Variants in NPFFR2 observed in about 807,000 individuals in gnomAD.
The protein encoded by NPFFR2 is neuropeptide FF receptor 2.
Under a neutral mutation model 13.1 loss-of-function variants are expected in NPFFR2, and 15 were observed. That is an observed-to-expected ratio of 1.15 (90% CI 0.77 to 1.76). NPFFR2 has a LOEUF of 1.76. Among genes scored for constraint, NPFFR2 ranks in the 40% most tolerant of loss-of-function variants. NPFFR2 has a pLI of 0.00. For missense variants in NPFFR2, 572 were observed against 503.5 expected (o/e 1.14, Z -1.30); for synonymous variants, 190 against 175.7 (o/e 1.08, Z -0.65).
Position 72,127,360 on chromosome 4 carries a change from C to CTT in NPFFR2, c.-7-1205_-7-1204dup, listed in dbSNP as rs1186710740. On this transcript the variant is annotated intron_variant, in intron 1 of 3. Transcript: ENST00000308744. Reference sequence around the variant, plus strand: ...ATACAGATTCTAAATAATTTCTTTTCTTTTTTTTTTTTTTTTTTTTTGAGA... The same window carrying CTT: ...ATACAGATTCTAAATAATTTCTTTTCTTTTTTTTTTTTTTTTTTTTTTTGAGA... 1.9e-3 allele frequency among the ~76,000 whole-genome samples: 126 copies of CTT among 66,912 alleles called. 8 individuals are homozygous for CTT. The highest frequency in any genetic ancestry group is 2.8e-3 in the Non-Finnish European group (96 of 34,604). 43.9% of individuals were successfully genotyped at this position (66,912 alleles called of 152,430 possible).
chr4:72,144,797 A>G (rs1450465680), intron 3 of NPFFR2, among the ~76,000 whole-genome samples: 2 of 152,190 alleles, frequency 1.3e-5, no homozygotes, highest in Non-Finnish European at 2.9e-5. Flanking sequence ...TTATCCTTGA[A>G]TCTTCTTTCT....
chr4:72,147,932 C>A lies in NPFFR2; in HGVS notation c.*120C>A. On this transcript the variant is annotated 3_prime_UTR_variant, in exon 4 of 4. Coordinates refer to ENST00000308744, the MANE Select transcript of NPFFR2 (RefSeq NM_004885.3). ...TTCTAAATAAAACATTTACTGAAAG[C>A]CCTCTCTGGCAAAAAAATTAAAAAT... is the stretch of plus-strand genomic sequence containing the variant. The A allele has an allele frequency of 1.4e-6, 1 of 724,404 alleles. No homozygotes were observed. The highest frequency in any genetic ancestry group is 2.1e-6 in the Non-Finnish European group (1 of 478,610). The allele number at this position is 724,404 out of a possible 1,614,324, so 44.9% of individuals were successfully genotyped here. A position where few individuals can be genotyped will look rare whatever the true frequency, so the allele number is the denominator to read the frequency against.
intron 1 of NPFFR2, among the ~76,000 whole-genome samples, chr4:72,044,250 A>G (rs1390181279): frequency 6.6e-6 from 1 of 152,208 alleles, no homozygotes; most frequent in Non-Finnish European, 1.5e-5. Context: ...GTATGTCCTT[A>G]TAGCAGCATG....
intron 1 of NPFFR2, among the ~76,000 whole-genome samples, chr4:72,032,903 C>T (rs921454479): frequency 2.0e-5 from 3 of 152,182 alleles, no homozygotes; most frequent in Non-Finnish European, 4.4e-5. Context: ...TACATTTGTT[C>T]ATCTCCCATT....
chr4:72,072,776 C>T (rs1347184490), intron 1 of NPFFR2, among the ~76,000 whole-genome samples: 2 of 152,052 alleles, frequency 1.3e-5, no homozygotes, highest in African/African-American at 2.4e-5. Flanking sequence ...ACATTATGAT[C>T]AAAGTATCAT....
intron 1 of NPFFR2, among the ~76,000 whole-genome samples, chr4:72,049,662 C>G (rs1179166084): frequency 6.6e-6 from 1 of 151,952 alleles, no homozygotes; most frequent in African/African-American, 2.4e-5. Flanking sequence ...GCAATGCAGT[C>G]TTAGGTATTA....
chr4:72,055,694 G>T (rs1401186932), intron 1 of NPFFR2, among the ~76,000 whole-genome samples: 1 of 151,968 alleles, frequency 6.6e-6, no homozygotes, highest in African/African-American at 2.4e-5. Context: ...AGCTAGCCAA[G>T]TTGTGAATGC....
chr4:72,071,392 A>AC (rs1210683738), intron 1 of NPFFR2, among the ~76,000 whole-genome samples: 12 of 151,978 alleles, frequency 7.9e-5, no homozygotes, highest in African/African-American at 1.5e-4. Flanking sequence ...AGCGTGTATG[A>AC]CCCCCCAAAT....
intron 1 of NPFFR2, among the ~76,000 whole-genome samples, chr4:72,074,288 A>G (rs531679494): frequency 1.2e-4 from 18 of 152,164 alleles, no homozygotes; most frequent in African/African-American, 4.1e-4. Flanking sequence ...CAATTATGTC[A>G]CGATGCCTAC....
chr4:72,084,226 T>G (rs1477266662), intron 1 of NPFFR2, among the ~76,000 whole-genome samples: 1 of 152,176 alleles, frequency 6.6e-6, no homozygotes, highest in Non-Finnish European at 1.5e-5. Context: ...AAAAATTCAT[T>G]TCCTTTACCA....
Position 72,147,230 on chromosome 4 carries a change from C to CAGT in NPFFR2, c.681_682insAGT (p.Ile227_Tyr228insSer). 1 of 1,614,196 alleles carries CAGT rather than the reference C, an allele frequency of 6.2e-7. No individual in the cohort carries two copies. On this transcript the variant is annotated inframe_insertion, in exon 4 of 4. Coordinates refer to ENST00000308744, the MANE Select transcript of NPFFR2 (RefSeq NM_004885.3). ...ACACCACTGTGCTGTTTGCCAACATCTACCTGGCTCCCCTCTCCCTCATTG... is the reference window on the plus strand; with the variant it reads ...ACACCACTGTGCTGTTTGCCAACATCAGTTACCTGGCTCCCCTCTCCCTCATTG...
chr4:72,134,274 A>C (rs1245339398), intron 2 of NPFFR2, among the ~76,000 whole-genome samples: 1 of 152,076 alleles, frequency 6.6e-6, no homozygotes, highest in African/African-American at 2.4e-5. Flanking sequence ...CAAAAATAAA[A>C]AATAAAAATT....
At position 72,087,382 on chromosome 4, in the gene NPFFR2, T is replaced by C. The variant is rs538138218; in HGVS notation, c.-7-41203T>C. ...ATAAATTTCCATGGCTCCTACTGTT[T>C]CCTTTGGAAAGGCAGATAATACAAT... On this transcript the variant is annotated intron_variant, in intron 1 of 3. Transcript: ENST00000308744. Among the ~76,000 whole-genome samples the C allele has an allele frequency of 7.2e-5, 11 of 152,222 alleles. 1 individual carries two copies. In the South Asian group the frequency reaches 2.1e-3, roughly 29 times the overall value.
intron 1 of NPFFR2, among the ~76,000 whole-genome samples, chr4:72,052,646 A>G (rs188770790): frequency 6.6e-6 from 1 of 152,144 alleles, no homozygotes; most frequent in African/African-American, 2.4e-5. Flanking sequence ...AAGGCCCTGC[A>G]AAACTGTCTC....
At chr4:72,042,037 G>A (rs1719235357) in intron 1 of NPFFR2, among the ~76,000 whole-genome samples, 2 of 152,074 alleles carry the variant, frequency 1.3e-5, no homozygotes, top group South Asian at 4.1e-4. Flanking sequence ...TTGCTTTTGA[G>A]GTTTATAAAT....
chr4:72,105,521 G>A (rs1721393685), intron 1 of NPFFR2, among the ~76,000 whole-genome samples: 1 of 151,920 alleles, frequency 6.6e-6, no homozygotes, highest in South Asian at 2.1e-4. Flanking sequence ...GAGTATTCTA[G>A]AGAGTACTAA....
chr4:72,129,234 G>C (rs1184244057), intron 2 of NPFFR2, among the ~76,000 whole-genome samples: 4 of 151,978 alleles, frequency 2.6e-5, no homozygotes, highest in African/African-American at 9.7e-5. Context: ...TGTAGGGGTG[G>C]GTTGCCCCTA....
chr4:72,039,656 C>CT (rs777304944), intron 1 of NPFFR2, among the ~76,000 whole-genome samples: 84 of 152,206 alleles, frequency 5.5e-4, no homozygotes, highest in Admixed American at 1.4e-3. Context: ...TCAACCATTC[C>CT]CTTCTTGATA....
intron 1 of NPFFR2, among the ~76,000 whole-genome samples, chr4:72,038,028 T>G (rs1719088759): frequency 6.6e-6 from 1 of 152,212 alleles, no homozygotes; most frequent in African/African-American, 2.4e-5. Flanking sequence ...CCTTACAGTT[T>G]CTCACTGTCT....
Sources: gnomAD v4.1 joint callset for allele counts (sites outside exome capture counted in the v4.1 genomes callset) on GRCh38, gnomAD v4.1.1 for gene constraint, MANE v1.5 for transcripts, NCBI Gene and HGNC (gene_info 2026-07-23, HGNC 2026-07-21) for gene names.